Variants in FREM1 observed in about 807,000 individuals in gnomAD.
FREM1 encodes FRAS1-related extracellular matrix protein 1.
A neutral mutation model predicts 210.1 loss-of-function variants in FREM1; 220 were observed. The observed-to-expected ratio is 1.05, with a 90% CI of 0.94 to 1.17. The LOEUF (loss-of-function observed/expected upper bound fraction) is 1.17, where lower values mean the gene tolerates loss of function less well. Ranked by LOEUF, FREM1 falls within the 50% of genes most tolerant of loss-of-function variation. The pLI is 0.00. For missense variants in FREM1, 3,454 were observed against 2,675.5 expected (o/e 1.29, Z -6.42); for synonymous variants, 1,189 against 980.2 (o/e 1.21, Z -3.98).
At chr9:14,802,473 C>T (rs1049173672) in intron 19 of FREM1, among the ~76,000 whole-genome samples, 5 of 152,290 alleles carry the variant, frequency 3.3e-5, no homozygotes, top group South Asian at 2.1e-4. Flanking sequence ...GGTCCCTCAT[C>T]TCCCTCCCAT....
intron 10 of FREM1, among the ~76,000 whole-genome samples, chr9:14,828,863 T>C (rs1823007817): frequency 6.6e-6 from 1 of 152,206 alleles, no homozygotes; most frequent in Non-Finnish European, 1.5e-5. Context: ...AGCATTACAA[T>C]ATGGTGTAAA....
rs144439132 is a variant in FREM1 at position 14,908,516 on chromosome 9, G to A, written c.-268+1398C>T. Among the ~76,000 whole-genome samples, 24 of 151,830 alleles carry A rather than the reference G, an allele frequency of 1.6e-4. No homozygotes were observed. The East Asian group carries it at 2.7e-3, about 17-fold the overall frequency. On this transcript the variant is annotated intron_variant, in intron 1 of 36. Coordinates refer to ENST00000380880, the MANE Select transcript of FREM1 (RefSeq NM_001379081.2). Reference sequence around the variant, plus strand: ...CTTTGCCCAACTCCTTTTTTCCCTCGTGGGAATGAAAAGGCAGAGATGAAA... The same window carrying A: ...CTTTGCCCAACTCCTTTTTTCCCTCATGGGAATGAAAAGGCAGAGATGAAA...
At chr9:14,845,455 C>A (rs1826429011) in intron 8 of FREM1, among the ~76,000 whole-genome samples, 1 of 152,158 alleles carries the variant, frequency 6.6e-6, no homozygotes, top group Admixed American at 6.5e-5. Context: ...CAGGCGCCCG[C>A]CACCATGCCC....
intron 19 of FREM1, 118 bp downstream of exon 19, chr9:14,804,838 C>T: frequency 1.5e-6 from 1 of 670,406 alleles, no homozygotes; most frequent in African/African-American, 1.8e-5. Context: ...ATAACATAGC[C>T]TTCCCCACTC....
At chr9:14,834,145 A>G (rs1435145243) in intron 10 of FREM1, among the ~76,000 whole-genome samples, 1 of 152,212 alleles carries the variant, frequency 6.6e-6, no homozygotes, top group Non-Finnish European at 1.5e-5. Flanking sequence ...GATGGCTAAT[A>G]GTAGTTATAA....
intron 29 of FREM1, among the ~76,000 whole-genome samples, chr9:14,753,728 A>T (rs1284506927): frequency 6.6e-6 from 1 of 152,240 alleles, no homozygotes; most frequent in African/African-American, 2.4e-5. Flanking sequence ...AGAAGAGGCA[A>T]GGATTAACAA....
intron 1 of FREM1, among the ~76,000 whole-genome samples, chr9:14,895,289 A>C (rs77788177): frequency 0.012 from 1,886 of 152,324 alleles, 38 homozygotes; most frequent in African/African-American, 0.042. Context: ...TCTTACCATG[A>C]CTTGTCTTTA....
chr9:14,872,939 G>C (rs1388990244), intron 1 of FREM1, among the ~76,000 whole-genome samples: 1 of 150,316 alleles, frequency 6.7e-6, no homozygotes, highest in Non-Finnish European at 1.5e-5. Context: ...TGTGGTTTTT[G>C]TCTTTGGTTC....
intron 35 of FREM1, among the ~76,000 whole-genome samples, chr9:14,745,911 C>G (rs1160053896): frequency 1.3e-5 from 2 of 151,998 alleles, no homozygotes; most frequent in Non-Finnish European, 2.9e-5. Flanking sequence ...GCTAGAGGCC[C>G]GACGTTATAA....
chr9:14,885,160 G>A (rs1028389396), intron 1 of FREM1, among the ~76,000 whole-genome samples: 5 of 151,678 alleles, frequency 3.3e-5, no homozygotes, highest in African/African-American at 4.8e-5. Flanking sequence ...TCCTGAGCTC[G>A]TGATCCACCC....
At position 14,868,936 on chromosome 9, in the gene FREM1, C is replaced by G. The variant is rs768271293; in HGVS notation, c.42G>C (p.Leu14=). The G allele has an allele frequency of 1.1e-5, 18 of 1,600,430 alleles. No individual in the cohort carries two copies. Among genetic ancestry groups the G allele is most frequent in the Non-Finnish European group, 1.5e-5 (18 of 1,174,724 alleles). ...GGCTGGCCCAGGCCAGGAGGAGCAG[C>G]AGCAGCACGGCATTCGCAGCCCCCC... is the stretch of plus-strand genomic sequence containing the variant. ...LSWGAANAVL[L]LLLLAWASPT... Residue 14 remains leucine, a synonymous_variant, in exon 2 of 37, where the codon CTG becomes CTC. Coordinates refer to ENST00000380880, the MANE Select transcript of FREM1 (RefSeq NM_001379081.2).
At chr9:14,813,989 G>T (rs12555299) in intron 15 of FREM1, among the ~76,000 whole-genome samples, 1 of 152,034 alleles carries the variant, frequency 6.6e-6, no homozygotes, top group East Asian at 1.9e-4. Context: ...CCATGCTATG[G>T]GGTGCCTTTG....
intron 24 of FREM1, among the ~76,000 whole-genome samples, chr9:14,782,720 C>G (rs1849822858): frequency 6.6e-6 from 1 of 152,188 alleles, no homozygotes; most frequent in Non-Finnish European, 1.5e-5. Context: ...ACAACAACGA[C>G]AGTAAGAGTA....
intron 16 of FREM1, among the ~76,000 whole-genome samples, chr9:14,811,628 G>T (rs1819428245): frequency 6.6e-6 from 1 of 152,134 alleles, no homozygotes; most frequent in African/African-American, 2.4e-5. Flanking sequence ...AAAGAAAAAA[G>T]ATGTCTGGTG....
chr9:14,800,399 T>A (rs1194751455), intron 20 of FREM1, among the ~76,000 whole-genome samples: 1 of 152,206 alleles, frequency 6.6e-6, no homozygotes, highest in East Asian at 1.9e-4. Context: ...CTCAGATTTT[T>A]AAAAGTATTT....
At chr9:14,879,029 C>T (rs1053431625) in intron 1 of FREM1, among the ~76,000 whole-genome samples, 55 of 151,682 alleles carry the variant, frequency 3.6e-4, no homozygotes, top group African/African-American at 1.3e-3. Context: ...TCGTGGCAGG[C>T]GCCTGTAATC....
intron 15 of FREM1, among the ~76,000 whole-genome samples, chr9:14,814,904 C>A (rs551695288): frequency 6.6e-6 from 1 of 152,332 alleles, no homozygotes; most frequent in East Asian, 1.9e-4. Flanking sequence ...CCAAAATGCA[C>A]TGCCTATTGT....
At chr9:14,896,373 A>T (rs1588645233) in intron 1 of FREM1, among the ~76,000 whole-genome samples, 1 of 152,084 alleles carries the variant, frequency 6.6e-6, no homozygotes, top group East Asian at 1.9e-4. Context: ...GTGAAACTCC[A>T]TCTCTACTAA....
At chr9:14,881,898 T>G (rs1834858894) in intron 1 of FREM1, among the ~76,000 whole-genome samples, 1 of 152,166 alleles carries the variant, frequency 6.6e-6, no homozygotes, top group Non-Finnish European at 1.5e-5. Flanking sequence ...CCCTTTTTCT[T>G]TATGCTTCCC....
Sources: allele counts gnomAD v4.1 joint callset (sites outside exome capture counted in the v4.1 genomes callset), GRCh38; gene constraint gnomAD v4.1.1; transcripts MANE v1.5; gene names NCBI Gene and HGNC (gene_info 2026-07-23, HGNC 2026-07-21).